Variants in PPP3CA observed in about 807,000 individuals in gnomAD.
The protein encoded by PPP3CA is CAM-PRP catalytic subunit.
In PPP3CA, 14 loss-of-function variants were observed where a neutral mutation model predicts 66.5. That is an observed-to-expected ratio of 0.21 (90% CI 0.14 to 0.33). PPP3CA has a LOEUF of 0.33. PPP3CA is among the 10% of genes least tolerant of loss of function. PPP3CA has a pLI of 1.00. For missense variants in PPP3CA, 317 were observed against 639.5 expected (o/e 0.50, Z 5.44); for synonymous variants, 232 against 226.2 (o/e 1.03, Z -0.23).
At chr4:101,128,628 C>T (rs1021824471) in intron 2 of PPP3CA, among the ~76,000 whole-genome samples, 3 of 151,692 alleles carry the variant, frequency 2.0e-5, no homozygotes, top group Non-Finnish European at 4.4e-5. Flanking sequence ...GTCACCTTAC[C>T]TGGGAAGTGC....
At chr4:101,111,357 C>T (rs185769794) in intron 2 of PPP3CA, among the ~76,000 whole-genome samples, 23 of 152,272 alleles carry the variant, frequency 1.5e-4, no homozygotes, top group Admixed American at 3.9e-4. Context: ...GGGTGTGACG[C>T]TGACACTTTG....
At chr4:101,091,841 A>AATG (rs1729959036) in intron 6 of PPP3CA, among the ~76,000 whole-genome samples, 1 of 145,384 alleles carries the variant, frequency 6.9e-6, no homozygotes, top group South Asian at 2.1e-4. Flanking sequence ...TAATAATAAT[A>AATG]ATAATAATAA....
chr4:101,100,775 C>T (rs972867631), intron 3 of PPP3CA, among the ~76,000 whole-genome samples: 2 of 152,050 alleles, frequency 1.3e-5, no homozygotes, highest in African/African-American at 2.4e-5. Context: ...ATTCTGGTTA[C>T]TAAAATCTGA....
chr4:101,137,769 T>G (rs1462377632), intron 2 of PPP3CA, among the ~76,000 whole-genome samples: 2 of 152,030 alleles, frequency 1.3e-5, no homozygotes, highest in Non-Finnish European at 2.9e-5. Context: ...CCTCTCAACG[T>G]TTTCTCCTAA....
chr4:101,294,403 G>A (rs1728126739), intron 1 of PPP3CA, among the ~76,000 whole-genome samples: 1 of 152,108 alleles, frequency 6.6e-6, no homozygotes, highest in Admixed American at 6.5e-5. Flanking sequence ...CCAGCAATAT[G>A]TAACTCTATG....
chr4:101,200,060 G>C (rs1263749738), intron 1 of PPP3CA, among the ~76,000 whole-genome samples: 3 of 152,088 alleles, frequency 2.0e-5, no homozygotes, highest in African/African-American at 4.8e-5. Flanking sequence ...GTTAATTTTA[G>C]ACCACAAACA....
At chr4:101,315,581 C>T (rs1288881518) in intron 1 of PPP3CA, among the ~76,000 whole-genome samples, 26 of 152,114 alleles carry the variant, frequency 1.7e-4, no homozygotes, top group Admixed American at 1.6e-3. Flanking sequence ...ATAAAGTATA[C>T]AAGAAAGGTC....
intron 13 of PPP3CA, among the ~76,000 whole-genome samples, chr4:101,028,289 TAATA>T (rs1726761591): frequency 6.6e-6 from 1 of 152,322 alleles, no homozygotes; most frequent in African/African-American, 2.4e-5. Flanking sequence ...ATGGTATGTA[TAATA>T]AATATTAAAA....
chr4:101,091,821 C>CTAATAATAA lies in PPP3CA; in HGVS notation c.782+1946_782+1954dup, dbSNP rs34522517. Reference sequence around the variant, plus strand: ...AACATCAGGTTAAGTTCTTCAGTATCTAATAATAATAATAATAATAATAAT... The same window carrying CTAATAATAA: ...AACATCAGGTTAAGTTCTTCAGTATCTAATAATAATAATAATAATAATAATAATAATAAT... On this transcript the variant is annotated intron_variant, in intron 6 of 13. Transcript: ENST00000394854. Among the ~76,000 whole-genome samples, 539 of 138,808 alleles carry CTAATAATAA rather than the reference C, an allele frequency of 3.9e-3. 3 individuals carry two copies. Among genetic ancestry groups the CTAATAATAA allele is most frequent in the Admixed American group, 5.4e-3 (73 of 13,598 alleles). 91.1% of individuals were successfully genotyped at this position (138,808 alleles called of 152,430 possible).
intron 2 of PPP3CA, among the ~76,000 whole-genome samples, chr4:101,154,140 T>A (rs1002798281): frequency 3.3e-5 from 5 of 152,198 alleles, no homozygotes; most frequent in Non-Finnish European, 5.9e-5. Context: ...CCTGCCTTCT[T>A]GTTTTCAAGA....
intron 1 of PPP3CA, among the ~76,000 whole-genome samples, chr4:101,268,631 T>G (rs1727240999): frequency 6.6e-6 from 1 of 152,134 alleles, no homozygotes; most frequent in South Asian, 2.1e-4. Flanking sequence ...CTCACCTCTA[T>G]ACCTAAATAA....
intron 1 of PPP3CA, among the ~76,000 whole-genome samples, chr4:101,288,906 T>C (rs937035048): frequency 2.0e-5 from 3 of 152,036 alleles, no homozygotes; most frequent in Admixed American, 2.0e-4. Flanking sequence ...AGTCTCTTCA[T>C]CCTTCCCCTT....
At position 101,250,364 on chromosome 4, in the gene PPP3CA, G is replaced by A. The variant is rs114036251; in HGVS notation, c.59-54248C>T. 1.4e-3 allele frequency: 644 copies of A among 456,022 alleles called. 2 individuals carry two copies. The highest frequency in any genetic ancestry group is 0.012 in the African/African-American group (582 of 50,080). The allele number at this position is 456,022 out of a possible 1,614,324, so 28.2% of individuals were successfully genotyped here. ...TATCTTTCATATCCTCATACCCTTA[G>A]TTTCAACATCTGTAAAAAGGACATA... On this transcript the variant is annotated intron_variant, in intron 1 of 13. Coordinates refer to ENST00000394854, the MANE Select transcript of PPP3CA (RefSeq NM_000944.5).
At chr4:101,140,594 G>C (rs1722772170) in intron 2 of PPP3CA, among the ~76,000 whole-genome samples, 1 of 152,038 alleles carries the variant, frequency 6.6e-6, no homozygotes, top group African/African-American at 2.4e-5. Context: ...ATGAAAAATT[G>C]GGCCCTAATA....
intron 11 of PPP3CA, among the ~76,000 whole-genome samples, chr4:101,039,268 C>T (rs1266014225): frequency 6.9e-6 from 1 of 144,858 alleles, no homozygotes; most frequent in Non-Finnish European, 1.5e-5. Flanking sequence ...AATACCATTA[C>T]TCAGAAAGTT....
intron 8 of PPP3CA, among the ~76,000 whole-genome samples, chr4:101,069,698 C>T (rs1254528597): frequency 6.6e-6 from 1 of 152,224 alleles, no homozygotes; most frequent in East Asian, 1.9e-4. Flanking sequence ...GCAAGACCAA[C>T]CCCTCTTCCT....
chr4:101,197,105 A>G (rs1380901589), intron 1 of PPP3CA, among the ~76,000 whole-genome samples: 1 of 152,194 alleles, frequency 6.6e-6, no homozygotes, highest in Non-Finnish European at 1.5e-5. Flanking sequence ...ACATCATCCC[A>G]TGTATCTTTC....
intron 10 of PPP3CA, among the ~76,000 whole-genome samples, chr4:101,047,729 G>A (rs1374885492): frequency 6.6e-6 from 1 of 151,702 alleles, no homozygotes; most frequent in Non-Finnish European, 1.5e-5. Flanking sequence ...TGAGGTTACA[G>A]GTATGCTAAA....
At chr4:101,047,789 C>A (rs538421378) in intron 10 of PPP3CA, among the ~76,000 whole-genome samples, 13 of 152,016 alleles carry the variant, frequency 8.6e-5, no homozygotes, top group Non-Finnish European at 1.5e-4. Context: ...AGAGATTTAA[C>A]TAAATTTTAG....
Sources: allele counts gnomAD v4.1 joint callset (sites outside exome capture counted in the v4.1 genomes callset), GRCh38; gene constraint gnomAD v4.1.1; transcripts MANE v1.5; gene names NCBI Gene and HGNC (gene_info 2026-07-23, HGNC 2026-07-21).